F8: variants seen among roughly 807,000 people sequenced by gnomAD.
The protein encoded by F8 is coagulation factor VIII.
In F8, 12 loss-of-function variants were observed where a neutral mutation model predicts 140.6. That is an observed-to-expected ratio of 0.09 (90% confidence interval 0.05 to 0.14). F8 has a LOEUF of 0.14. Among genes scored for constraint, F8 ranks in the 10% least tolerant of loss-of-function variants. The pLI, the probability that F8 is intolerant of heterozygous loss-of-function variation, is 1.00. For missense variants in F8, 1,354 were observed against 1,720.7 expected (o/e 0.79, Z 3.77); for synonymous variants, 585 against 614.6 (o/e 0.95, Z 0.71).
At chrX:154,897,183 AGGTCATG>A (rs2072986594) in intron 21 of F8, among the ~76,000 whole-genome samples, 3 of 112,594 alleles carry the variant, frequency 2.7e-5, no homozygotes, top group African/African-American at 9.7e-5. Context: ...CTTAAAGAAG[AGGTCATG>A]GGCTGCAAGA....
rs28933673 is a variant in F8, at chrX:154,930,621, C to T, written c.3169G>A (p.Glu1057Lys). Residue 1057 changes from glutamate to lysine, a missense_variant, in exon 14 of 26, where the codon GAG becomes AAG. Coordinates refer to ENST00000360256, the MANE Select transcript of F8 (RefSeq NM_000132.4). ...VWQNILESDT[E>K]FKKVTPLIHD... ...ATCAAAGGTGTCACTTTTTTAAACT[C>T]AGTGTCACTTTCTAATATATTTTGC... The T allele has an allele frequency of 4.0e-4, 480 of 1,207,994 alleles. 8 individuals carry two copies. The East Asian group carries it at 0.013, about 33-fold the overall frequency.
chrX:154,945,172 TA>T (rs782291091), intron 13 of F8, among the ~76,000 whole-genome samples: 171 of 107,630 alleles, frequency 1.6e-3, no homozygotes, highest in African/African-American at 5.3e-3. Context: ...TGTATAATAA[TA>T]AAAAAAAAGA....
Position 154,904,885 on chromosome X carries a change from C to A in F8, c.5512G>T (p.Val1838Leu). The change falls in exon 16 of 26, where the codon GTG becomes TTG. Residue 1838 changes from valine (V) to leucine (L), a missense_variant. This residue lies in a region of F8 where 316 missense variants were observed against 485.4 expected (regional missense o/e 0.65). Coordinates refer to ENST00000360256, the MANE Select transcript of F8 (RefSeq NM_000132.4). ...TTAGTGGGTGCCATATGATGTTGCACTTTCCAAAAGTAAGTTTTGGTTTCA... is the reference window on the plus strand; with the variant it reads ...TTAGTGGGTGCCATATGATGTTGCAATTTCCAAAAGTAAGTTTTGGTTTCA... ...PNETKTYFWK[V>L]QHHMAPTKDE... 1 of 1,211,136 alleles carries A rather than the reference C, an allele frequency of 8.3e-7. No individual in the cohort carries two copies. Among genetic ancestry groups the A allele is most frequent in the African/African-American group, 1.7e-5 (1 of 57,690 alleles).
At chrX:154,912,885 G>T (rs781827387) in intron 14 of F8, among the ~76,000 whole-genome samples, 1 of 111,208 alleles carries the variant, frequency 9.0e-6, no homozygotes, top group South Asian at 3.8e-4. Flanking sequence ...AAGGGGAAAT[G>T]CCAGATGCTT....
At chrX:154,958,779 A>AT (rs1157257931) in intron 10 of F8, among the ~76,000 whole-genome samples, 9 of 110,072 alleles carry the variant, frequency 8.2e-5, no homozygotes, top group South Asian at 3.9e-4. Context: ...ATGCCCGGCT[A>AT]TTTTTTTTGT....
intron 23 of F8, 125 bp from the exon 24 acceptor site, chrX:154,861,991 GC>G (rs1557272906): frequency 2.3e-5 from 19 of 820,601 alleles, no homozygotes; most frequent in Middle Eastern, 5.7e-4. Context: ...TTTAACTTTT[GC>G]ACAGATTCTG....
In F8 at chrX:154,931,184, G is replaced by A; in HGVS notation, c.2606C>T (p.Thr869Ile). 4.1e-6 allele frequency: 5 copies of A among 1,210,879 alleles called. No homozygotes were observed. In the South Asian group the frequency reaches 8.8e-5, roughly 21 times the overall value. Residue 869 changes from threonine to isoleucine, a missense_variant, in exon 14 of 26, where the codon ACC (threonine) becomes ATC (isoleucine). This residue lies in a region of F8 where 658 missense variants were observed against 666.5 expected (regional missense o/e 0.99). Transcript: ENST00000360256. ...TCTTAATTGGAGGCCTGACTCAGGG[G>A]TAAATACCATGTCCCCACTGTGATG... ...QLHHSGDMVF[T>I]PESGLQLRLN...
chrX:154,939,119 C>G (rs1387761797), intron 13 of F8, among the ~76,000 whole-genome samples: 2 of 111,235 alleles, frequency 1.8e-5, no homozygotes, highest in African/African-American at 3.3e-5. Context: ...TTCTGCATTT[C>G]CAACTGAGGT....
At chrX:154,918,382 T>C (rs1449559326) in intron 14 of F8, among the ~76,000 whole-genome samples, 1 of 111,290 alleles carries the variant, frequency 9.0e-6, no homozygotes, top group Non-Finnish European at 1.9e-5. Flanking sequence ...CCTTTGTCTC[T>C]AGCTGCCCTC....
chrX:155,013,194 T>C (rs1454305907), intron 1 of F8, among the ~76,000 whole-genome samples: 1 of 109,176 alleles, frequency 9.2e-6, no homozygotes, highest in Non-Finnish European at 1.9e-5. Context: ...TTGATATGGT[T>C]TGGCTGTGTC....
At chrX:155,016,888 T>C (rs1411223606) in intron 1 of F8, among the ~76,000 whole-genome samples, 1 of 112,583 alleles carries the variant, frequency 8.9e-6, no homozygotes, top group Non-Finnish European at 1.9e-5. Context: ...ATGTAAACTA[T>C]ACCTGTGGCA....
chrX:154,893,513 C>G (rs1557275319), intron 22 of F8, among the ~76,000 whole-genome samples: 2 of 111,972 alleles, frequency 1.8e-5, no homozygotes, highest in African/African-American at 6.5e-5. Context: ...AAATTAGGGT[C>G]TATGTCTCTT....
At chrX:154,890,573 A>G (rs184819059) in intron 22 of F8, among the ~76,000 whole-genome samples, 1 of 112,076 alleles carries the variant, frequency 8.9e-6, no homozygotes, top group East Asian at 2.8e-4. Flanking sequence ...GAATAGACAA[A>G]CACTTGCCAA....
intron 25 of F8, among the ~76,000 whole-genome samples, chrX:154,849,328 T>C (rs1002618540): frequency 7.2e-5 from 8 of 111,728 alleles, no homozygotes; most frequent in Non-Finnish European, 3.8e-5. Context: ...AAAGTCTATT[T>C]TTCTGCTATC....
At chrX:154,850,330 G>A (rs782277271) in intron 25 of F8, among the ~76,000 whole-genome samples, 9 of 110,024 alleles carry the variant, frequency 8.2e-5, no homozygotes, top group African/African-American at 2.6e-4. Flanking sequence ...GTTTCACCAT[G>A]TTGGGCAGGC....
At chrX:154,975,120 A>C (rs943052113) in intron 6 of F8, among the ~76,000 whole-genome samples, 2 of 110,797 alleles carry the variant, frequency 1.8e-5, no homozygotes, top group Non-Finnish European at 3.8e-5. Flanking sequence ...TTCTTCTAAT[A>C]ATTTGGGGTT....
chrX:154,992,795 T>C, intron 4 of F8, 141 bp downstream of exon 4: 2 of 548,275 alleles, frequency 3.6e-6, no homozygotes, highest in Admixed American at 5.9e-5. Flanking sequence ...AACTGGATTA[T>C]TCTCCTTTCC....
chrX:154,937,043 C>G (rs1302129565), intron 13 of F8, among the ~76,000 whole-genome samples: 1 of 110,981 alleles, frequency 9.0e-6, no homozygotes, highest in Non-Finnish European at 1.9e-5. Context: ...AAATATGACT[C>G]ATCAAAATTT....
At chrX:154,920,213 CT>C (rs1181649131) in intron 14 of F8, 561 of 101,484 alleles carry the variant, frequency 5.5e-3, no homozygotes, top group African/African-American at 8.5e-3. Flanking sequence ...TGCTTTCTTT[CT>C]TTTTTTTTTT....
Sources: allele counts gnomAD v4.1 joint callset (sites outside exome capture counted in the v4.1 genomes callset), GRCh38; gene constraint gnomAD v4.1.1; regional missense constraint gnomAD v4.1.1; transcripts MANE v1.5; gene names NCBI Gene and HGNC (gene_info 2026-07-23, HGNC 2026-07-21).